Variants in PLAA observed in about 807,000 individuals in gnomAD.
The protein encoded by PLAA is phospholipase A2 activating protein, also known as phospholipase A-2-activating protein.
A neutral mutation model predicts 84.1 loss-of-function variants in PLAA; 48 were observed. The observed-to-expected ratio is 0.57, with a 90% CI of 0.45 to 0.73. PLAA has a LOEUF of 0.73. Among genes scored for constraint, PLAA ranks in the 30% least tolerant of loss-of-function variants. PLAA has a pLI of 0.00. For synonymous variants in PLAA, 392 were observed against 336.6 expected (o/e 1.16, Z -1.80); for missense variants, 903 against 954.7 (o/e 0.95, Z 0.71).
At chr9:26,946,236 A>G (rs1432939467) in intron 1 of PLAA, among the ~76,000 whole-genome samples, 2 of 152,068 alleles carry the variant, frequency 1.3e-5, no homozygotes, top group Non-Finnish European at 2.9e-5. Context: ...TGAACCCGTG[A>G]ACTCGATCAG....
chr9:26,945,732 C>G (rs1168550057), intron 1 of PLAA, among the ~76,000 whole-genome samples: 1 of 152,216 alleles, frequency 6.6e-6, no homozygotes, highest in East Asian at 1.9e-4. Context: ...AAAACCTGCC[C>G]TCACCTCACA....
rs911964219 is a variant in PLAA at position 26,925,902 on chromosome 9, A to G, written c.792T>C (p.Ala264=). The G allele has an allele frequency of 4.3e-6, 7 of 1,613,610 alleles. No homozygotes were observed. The highest frequency in any genetic ancestry group is 5.9e-6 in the Non-Finnish European group (7 of 1,179,646). The change falls in exon 6 of 14, where the codon GCT becomes GCC. Residue 264 remains alanine, a synonymous_variant. Coordinates refer to ENST00000397292, the MANE Select transcript of PLAA (RefSeq NM_001031689.3). ...ACTGAGCTGGAAGTCGGATAGTTTG[A>G]GCACATTCCCCATGTTTCCAGATTC... ...SLRIWKHGEC[A]QTIRLPAQSI...
chr9:26,929,495 G>A (rs1038834777), intron 2 of PLAA, among the ~76,000 whole-genome samples: 23 of 152,208 alleles, frequency 1.5e-4, no homozygotes, highest in African/African-American at 5.1e-4. Context: ...GAAAAAAAAA[G>A]AAAAATTATC....
In PLAA at chr9:26,903,743, C is replaced by T. The variant is rs1002635129; in HGVS notation, c.*1768G>A. On this transcript the variant is annotated 3_prime_UTR_variant, in exon 14 of 14. Coordinates refer to ENST00000397292, the MANE Select transcript of PLAA (RefSeq NM_001031689.3). ...AAGCTATATTTTGTAATCTCCACAA[C>T]AAACATGAAATAGTAAAGTTGACAT... is the stretch of plus-strand genomic sequence containing the variant. Among the ~76,000 whole-genome samples the T allele has an allele frequency of 3.5e-5, 5 of 141,502 alleles. No individual in the cohort carries two copies. Among genetic ancestry groups the T allele is most frequent in the African/African-American group, 1.2e-4 (5 of 40,746 alleles). The allele number at this position is 141,502 out of a possible 152,430, so 92.8% of individuals were successfully genotyped here.
intron 7 of PLAA, among the ~76,000 whole-genome samples, chr9:26,921,740 A>G (rs1221245031): frequency 6.6e-6 from 1 of 152,216 alleles, no homozygotes; most frequent in Admixed American, 6.5e-5. Context: ...GGTATCAGAT[A>G]CTAGTCATAT....
chr9:26,910,001 T>C (rs1022264664), intron 12 of PLAA, among the ~76,000 whole-genome samples: 1 of 152,240 alleles, frequency 6.6e-6, no homozygotes, highest in African/African-American at 2.4e-5. Flanking sequence ...AAAGATAAGA[T>C]CTTAATTTTT....
chr9:26,915,929 G>A, intron 10 of PLAA: 1 of 985,404 alleles, frequency 1.0e-6, no homozygotes, highest in Non-Finnish European at 1.2e-6. Flanking sequence ...TGCTGATAGA[G>A]AGAAAGCCAT....
At chr9:26,924,762 C>T (rs1436820086) in intron 6 of PLAA, among the ~76,000 whole-genome samples, 1 of 152,176 alleles carries the variant, frequency 6.6e-6, no homozygotes, top group Non-Finnish European at 1.5e-5. Context: ...AATGGTATAT[C>T]ATAAAACTTA....
chr9:26,927,615 C>T (rs1243730676), intron 4 of PLAA, among the ~76,000 whole-genome samples: 1 of 152,078 alleles, frequency 6.6e-6, no homozygotes, highest in Non-Finnish European at 1.5e-5. Context: ...TATTTAATAG[C>T]TGGGGTTTAA....
chr9:26,907,373 C>A (rs972929954), intron 13 of PLAA, among the ~76,000 whole-genome samples: 1 of 151,818 alleles, frequency 6.6e-6, no homozygotes, highest in Non-Finnish European at 1.5e-5. Context: ...ACTAAAAATA[C>A]AAAAAATTAG....
intron 11 of PLAA, among the ~76,000 whole-genome samples, chr9:26,910,892 T>C (rs1437709484): frequency 6.6e-6 from 1 of 152,146 alleles, no homozygotes; most frequent in East Asian, 1.9e-4. Flanking sequence ...AAACTTTCCA[T>C]TTTCATCTTC....
intron 1 of PLAA, among the ~76,000 whole-genome samples, chr9:26,937,954 A>G (rs1825413420): frequency 6.6e-6 from 1 of 152,096 alleles, no homozygotes; most frequent in South Asian, 2.1e-4. Flanking sequence ...AGTCCTAGAG[A>G]GAGGGGAAAG....
intron 1 of PLAA, among the ~76,000 whole-genome samples, chr9:26,945,229 C>A (rs1825652460): frequency 6.6e-6 from 1 of 152,158 alleles, no homozygotes; most frequent in Admixed American, 6.5e-5. Flanking sequence ...CACAACCACT[C>A]CAGTGATTAA....
Position 26,925,796 on chromosome 9 carries a change from C to T in PLAA, c.869+29G>A, listed in dbSNP as rs201416812. 1.2e-4 allele frequency: 199 copies of T among 1,608,194 alleles called. 1 individual carries two copies. The highest frequency in any genetic ancestry group is 5.0e-4 in the Admixed American group (30 of 59,814). On this transcript the variant is annotated intron_variant, in intron 6 of 13. Transcript: ENST00000397292. ...TCCTACTGAAGGCCTAGACATATAA[C>T]ATTTAATGATTGACTAGAATATAAA... is the stretch of plus-strand genomic sequence containing the variant.
intron 6 of PLAA, among the ~76,000 whole-genome samples, chr9:26,923,707 G>A (rs978536138): frequency 2.6e-5 from 4 of 152,132 alleles, no homozygotes; most frequent in Non-Finnish European, 5.9e-5. Context: ...AGGGCTCAAA[G>A]ACCCAATGTA....
At chr9:26,931,792 A>G (rs1825193387) in intron 2 of PLAA, among the ~76,000 whole-genome samples, 1 of 152,206 alleles carries the variant, frequency 6.6e-6, no homozygotes, top group Admixed American at 6.5e-5. Context: ...CTGTAATCCC[A>G]CCACTTTGGA....
In PLAA at chr9:26,947,080, C is replaced by T. The variant is rs1372270120; in HGVS notation, c.-35G>A. 6.5e-7 allele frequency: 1 copy of T among 1,534,444 alleles called. No homozygotes were observed. Reference sequence around the variant, plus strand: ...CTGTCTGGCGCCCGGTGCCCAGGCACTGTGCGAGACCAGTCCGCAGGGGCG... The same window carrying T: ...CTGTCTGGCGCCCGGTGCCCAGGCATTGTGCGAGACCAGTCCGCAGGGGCG... On this transcript the variant is annotated 5_prime_UTR_variant, in exon 1 of 14. It adds an upstream start codon to the 5' untranslated region. Transcript: ENST00000397292.
At chr9:26,942,330 T>A (rs1825567611) in intron 1 of PLAA, among the ~76,000 whole-genome samples, 1 of 152,084 alleles carries the variant, frequency 6.6e-6, no homozygotes, top group South Asian at 2.1e-4. Flanking sequence ...AATCCTAGGA[T>A]TAGTTGTGCA....
chr9:26,940,129 A>AT (rs1825486082), intron 1 of PLAA, among the ~76,000 whole-genome samples: 1 of 152,252 alleles, frequency 6.6e-6, no homozygotes, highest in Admixed American at 6.5e-5. Flanking sequence ...TAAAATTACC[A>AT]TATGACTCAG....
Sources: gnomAD v4.1 joint callset for allele counts (sites outside exome capture counted in the v4.1 genomes callset) on GRCh38, gnomAD v4.1.1 for gene constraint, MANE v1.5 for transcripts, NCBI Gene and HGNC (gene_info 2026-07-23, HGNC 2026-07-21) for gene names.